Variants in PHF21B observed in about 807,000 individuals in gnomAD.
The protein encoded by PHF21B is PHD finger protein 21B, also known as PHD finger protein 4.
In PHF21B, 22 loss-of-function variants were observed where a neutral mutation model predicts 62.2. The observed-to-expected ratio is 0.35, with a 90% confidence interval of 0.25 to 0.51. The LOEUF (loss-of-function observed/expected upper bound fraction) is 0.51, where lower values mean the gene tolerates loss of function less well. PHF21B is among the 20% of genes least tolerant of loss of function. PHF21B has a pLI of 0.97. For missense variants in PHF21B, 701 were observed against 707.9 expected (o/e 0.99, Z 0.11); for synonymous variants, 341 against 314.7 (o/e 1.08, Z -0.88).
intron 2 of PHF21B, among the ~76,000 whole-genome samples, chr22:44,946,696 C>A (rs1008920767): frequency 6.6e-5 from 10 of 152,116 alleles, no homozygotes; most frequent in Non-Finnish European, 1.5e-4. Flanking sequence ...AGAAGACTCT[C>A]CTGCCTCATG....
chr22:44,890,421 C>A (rs1039093513), intron 8 of PHF21B, among the ~76,000 whole-genome samples: 1 of 152,178 alleles, frequency 6.6e-6, no homozygotes, highest in African/African-American at 2.4e-5. Context: ...TGCCACCCAG[C>A]GGGAGAACAG....
chr22:44,895,416 GC>G (rs1056179530), intron 6 of PHF21B, among the ~76,000 whole-genome samples: 1 of 152,176 alleles, frequency 6.6e-6, no homozygotes. Flanking sequence ...GAGTCACAGT[GC>G]CCTGTCTGCT....
At chr22:44,930,024 G>A (rs922099233) in intron 2 of PHF21B, among the ~76,000 whole-genome samples, 10 of 152,212 alleles carry the variant, frequency 6.6e-5, no homozygotes, top group Non-Finnish European at 1.3e-4. Context: ...CTCATACAAT[G>A]GAAAACTTCC....
At chr22:44,957,938 T>C (rs1281908486) in intron 2 of PHF21B, among the ~76,000 whole-genome samples, 3 of 151,308 alleles carry the variant, frequency 2.0e-5, no homozygotes, top group Non-Finnish European at 4.4e-5. Flanking sequence ...GTTTCGCTCT[T>C]GTTGCCCAGG....
At chr22:44,976,542 C>T (rs1308692855) in intron 2 of PHF21B, among the ~76,000 whole-genome samples, 5 of 152,210 alleles carry the variant, frequency 3.3e-5, no homozygotes, top group Non-Finnish European at 5.9e-5. Context: ...TCACAATTTA[C>T]ACAGTTGGTT....
intron 2 of PHF21B, chr22:44,971,143 AAGG>A (rs2072629282): frequency 6.6e-6 from 1 of 152,164 alleles, no homozygotes; most frequent in Admixed American, 6.5e-5. Flanking sequence ...TGTGTTTTGG[AAGG>A]AGTTCTAATC....
chr22:44,947,363 G>A (rs772222109), intron 2 of PHF21B, among the ~76,000 whole-genome samples: 4 of 152,234 alleles, frequency 2.6e-5, no homozygotes, highest in Admixed American at 1.3e-4. Context: ...GCAGACCGAC[G>A]CATGGGCAGG....
intron 2 of PHF21B, among the ~76,000 whole-genome samples, chr22:44,937,007 G>A (rs2071863834): frequency 2.0e-5 from 3 of 151,902 alleles, no homozygotes; most frequent in East Asian, 1.9e-4. Flanking sequence ...TGGGATTACA[G>A]GTGCCCGCCA....
At chr22:44,946,391 T>A (rs1199542869) in intron 2 of PHF21B, among the ~76,000 whole-genome samples, 3 of 152,064 alleles carry the variant, frequency 2.0e-5, no homozygotes, top group Non-Finnish European at 1.5e-5. Flanking sequence ...GGCTCTCATC[T>A]CTCAGAGCGT....
chr22:44,980,493 C>G (rs1413459707), intron 2 of PHF21B, among the ~76,000 whole-genome samples: 2 of 152,228 alleles, frequency 1.3e-5, no homozygotes. Context: ...GCACAGGCCA[C>G]ATCTCAGGGA....
intron 2 of PHF21B, among the ~76,000 whole-genome samples, chr22:44,930,600 C>G (rs1391565999): frequency 6.6e-6 from 1 of 152,074 alleles, no homozygotes; most frequent in Non-Finnish European, 1.5e-5. Context: ...GCAGGGGTGC[C>G]AAGAGGCTCA....
At position 44,881,514 on chromosome 22, in the gene PHF21B, AAAG is replaced by A. The variant is rs1396258300; in HGVS notation, c.*1569_*1571del. ...ACACGGTTCACTTTGTTCATCAATA[AAAG>A]AATATAAAAATCTTGTTCACCCAGT... On this transcript the variant is annotated 3_prime_UTR_variant, in exon 13 of 13. Coordinates refer to ENST00000313237, the MANE Select transcript of PHF21B (RefSeq NM_138415.5). 1 of 152,664 alleles carries A rather than the reference AAAG, an allele frequency of 6.6e-6. No individual in the cohort carries two copies. Among genetic ancestry groups the A allele is most frequent in the Non-Finnish European group, 1.5e-5 (1 of 68,054 alleles). The allele number at this position is 152,664 out of a possible 1,614,324, so 9.5% of individuals were successfully genotyped here. A position where few individuals can be genotyped will look rare whatever the true frequency, so the allele number is the denominator to read the frequency against.
At chr22:44,981,822 G>C (rs554841695) in intron 2 of PHF21B, among the ~76,000 whole-genome samples, 13 of 152,334 alleles carry the variant, frequency 8.5e-5, no homozygotes, top group Non-Finnish European at 1.5e-4. Flanking sequence ...CAGAGTTCTG[G>C]AATGGAAACT....
At chr22:44,955,560 A>G (rs931812519) in intron 2 of PHF21B, among the ~76,000 whole-genome samples, 2 of 152,122 alleles carry the variant, frequency 1.3e-5, no homozygotes, top group Non-Finnish European at 2.9e-5. Context: ...AGATAGAACA[A>G]AAAGGCGGGG....
At chr22:44,991,120 T>C (rs796694558) in intron 2 of PHF21B, among the ~76,000 whole-genome samples, 5 of 152,348 alleles carry the variant, frequency 3.3e-5, no homozygotes, top group African/African-American at 1.2e-4. Flanking sequence ...CAACCTGGGC[T>C]TCAATCCAGG....
At chr22:44,916,813 T>C (rs2071444170) in intron 3 of PHF21B, among the ~76,000 whole-genome samples, 183 bp from the exon 4 acceptor site, 1 of 152,136 alleles carries the variant, frequency 6.6e-6, no homozygotes, top group Admixed American at 6.5e-5. Context: ...CCTCCTGGGC[T>C]TGCACCGACT....
chr22:44,974,121 C>A (rs2011888), intron 2 of PHF21B, among the ~76,000 whole-genome samples: 3 of 152,100 alleles, frequency 2.0e-5, no homozygotes, highest in Non-Finnish European at 4.4e-5. Flanking sequence ...ATGCTGTAAA[C>A]GTGCATATGC....
intron 5 of PHF21B, among the ~76,000 whole-genome samples, chr22:44,907,093 C>T (rs181155902): frequency 7.2e-5 from 11 of 152,328 alleles, no homozygotes; most frequent in East Asian, 1.9e-4. Flanking sequence ...GAAGCATGTC[C>T]GTGCCGCAAC....
At chr22:44,898,404 C>T (rs1019738356) in intron 5 of PHF21B, among the ~76,000 whole-genome samples, 3 of 152,096 alleles carry the variant, frequency 2.0e-5, no homozygotes, top group Non-Finnish European at 4.4e-5. Context: ...TGACCCTGGT[C>T]ACTGGCTGAA....
Sources: gnomAD v4.1 joint callset for allele counts (sites outside exome capture counted in the v4.1 genomes callset) on GRCh38, gnomAD v4.1.1 for gene constraint, MANE v1.5 for transcripts, NCBI Gene and HGNC (gene_info 2026-07-23, HGNC 2026-07-21) for gene names.